The following DENND2A variants were observed in gnomAD, a reference collection of about 807,000 sequenced individuals.
The protein encoded by DENND2A is DENN domain containing 2A, also known as DENN domain-containing protein 2A.
DENND2A carries 53 observed loss-of-function variants against 105.3 expected under a neutral mutation model. That is an observed-to-expected ratio of 0.50 (90% CI 0.40 to 0.63). The LOEUF (loss-of-function observed/expected upper bound fraction) is 0.63, where lower values mean the gene tolerates loss of function less well. Among genes scored for constraint, DENND2A ranks in the 30% least tolerant of loss-of-function variants. DENND2A has a pLI of 0.00. For synonymous variants in DENND2A, 522 were observed against 508.4 expected (o/e 1.03, Z -0.36); for missense variants, 1,138 against 1,279.6 (o/e 0.89, Z 1.69).
At chr7:140,548,278 A>T (rs985481354) in intron 12 of DENND2A, among the ~76,000 whole-genome samples, 3 of 144,542 alleles carry the variant, frequency 2.1e-5, no homozygotes, top group Admixed American at 1.4e-4. Context: ...TATCTTAATA[A>T]AGCTACTACT....
chr7:140,581,038 G>A (rs189657426), intron 5 of DENND2A, among the ~76,000 whole-genome samples: 2 of 151,846 alleles, frequency 1.3e-5, no homozygotes, highest in African/African-American at 4.8e-5. Flanking sequence ...TGAGGTGGGT[G>A]GATCACTTGA....
intron 1 of DENND2A, among the ~76,000 whole-genome samples, chr7:140,634,482 A>G (rs1800847647): frequency 6.6e-6 from 1 of 152,218 alleles, no homozygotes; most frequent in African/African-American, 2.4e-5. Flanking sequence ...ATTTAATATG[A>G]ACATTAAAAT....
chr7:140,582,296 T>C (rs1360797683), intron 5 of DENND2A, among the ~76,000 whole-genome samples: 2 of 151,912 alleles, frequency 1.3e-5, no homozygotes, highest in African/African-American at 4.8e-5. Flanking sequence ...TCCTCAGGGG[T>C]GAGGCAGTTC....
chr7:140,594,536 G>T (rs1414898395), intron 3 of DENND2A, among the ~76,000 whole-genome samples: 1 of 152,144 alleles, frequency 6.6e-6, no homozygotes, highest in Non-Finnish European at 1.5e-5. Flanking sequence ...TGTTCCCATG[G>T]CACCAGGATT....
intron 4 of DENND2A, among the ~76,000 whole-genome samples, chr7:140,586,087 C>T (rs1798767980): frequency 6.6e-6 from 1 of 152,070 alleles, no homozygotes; most frequent in Non-Finnish European, 1.5e-5. Context: ...GAGGGTGAAC[C>T]TCAGGATTTC....
chr7:140,543,167 G>A (rs971009420), intron 14 of DENND2A, among the ~76,000 whole-genome samples: 8 of 150,408 alleles, frequency 5.3e-5, no homozygotes, highest in African/African-American at 1.7e-4. Context: ...TTGCCCAGGT[G>A]GAGTGCAGTG....
chr7:140,520,713 CAT>C lies in DENND2A; in HGVS notation c.2912-997_2912-996del, dbSNP rs1172768251. On this transcript the variant is annotated intron_variant, in intron 18 of 19. Coordinates refer to ENST00000496613, the MANE Select transcript of DENND2A (RefSeq NM_015689.5). ...AGCTGGGATTACAGGCGCCTGCCAC[CAT>C]GCCCAGCTAATTTTTGTATTTTTAG... is the stretch of plus-strand genomic sequence containing the variant. 2.0e-5 allele frequency among the ~76,000 whole-genome samples: 3 copies of C among 151,026 alleles called. No homozygotes were observed. In the East Asian group the frequency reaches 5.9e-4, roughly 30 times the overall value.
chr7:140,523,506 C>T lies in DENND2A; in HGVS notation c.2548-82G>A, dbSNP rs935829474. The T allele has an allele frequency of 4.1e-5, 50 of 1,221,290 alleles. No homozygotes were observed. Among genetic ancestry groups the T allele is most frequent in the Non-Finnish European group, 5.5e-5 (46 of 835,720 alleles). 75.7% of individuals were successfully genotyped at this position (1,221,290 alleles called of 1,614,324 possible). A position where few individuals can be genotyped will look rare whatever the true frequency, so the allele number is the denominator to read the frequency against. The stretch of plus-strand genomic sequence containing the variant: ...AGGACACACTGGAGCCACTGCAGGG[C>T]AGGCCTGGCTCAGTCTCCAGTTTCA... On this transcript the variant is annotated intron_variant, in intron 16 of 19. Transcript: ENST00000496613. This position sits in a 1 kb window ranked among gnomAD's most constrained non-coding sequence, Gnocchi z 4.5.
At chr7:140,526,994 G>A (rs1005843347) in intron 15 of DENND2A, among the ~76,000 whole-genome samples, 7 of 152,170 alleles carry the variant, frequency 4.6e-5, no homozygotes, top group Non-Finnish European at 1.0e-4. Flanking sequence ...ATGTGGGGGA[G>A]TGGGCGAGAG....
intron 1 of DENND2A, among the ~76,000 whole-genome samples, chr7:140,635,860 A>G (rs1039642775): frequency 1.3e-5 from 2 of 151,866 alleles, no homozygotes; most frequent in Non-Finnish European, 2.9e-5. Flanking sequence ...CTGACGGAGT[A>G]AACTGTTGCC....
intron 4 of DENND2A, 135 bp from the exon 5 acceptor site, chr7:140,585,845 C>A: frequency 7.8e-7 from 1 of 1,280,344 alleles, no homozygotes; most frequent in Non-Finnish European, 1.1e-6. Flanking sequence ...ATCCATGCGC[C>A]CCTCCTGTTG....
chr7:140,544,855 C>T, intron 13 of DENND2A, 89 bp from the exon 14 acceptor site: 1 of 1,536,678 alleles, frequency 6.5e-7, no homozygotes, highest in Admixed American at 2.0e-5. Context: ...GCTCTGAGGT[C>T]CTCATCAGGG....
In DENND2A at chr7:140,585,635, T is replaced by A; in HGVS notation, c.1199A>T (p.Asn400Ile). The A allele has an allele frequency of 6.2e-7, 1 of 1,613,960 alleles. No homozygotes were observed. Among genetic ancestry groups the A allele is most frequent in the Non-Finnish European group, 8.5e-7 (1 of 1,179,988 alleles). The change falls in exon 5 of 20, where the codon AAT becomes ATT. Residue 400 changes from asparagine (N) to isoleucine (I), a missense_variant. Transcript: ENST00000496613. ...GRCLGKKCVL[N>I]FPASPTSSIP... ...GGAAGAGGTGGGAGAAGCAGGAAAA[T>A]TCAAGACACACTTCTTTCCCAGGCA...
Position 140,587,464 on chromosome 7 carries a change from C to G in DENND2A, c.1123+189G>C, listed in dbSNP as rs867813018. Among the ~76,000 whole-genome samples, 20 of 152,242 alleles carry G rather than the reference C, an allele frequency of 1.3e-4. No individual in the cohort carries two copies. The Middle Eastern group carries it at 0.01, about 78-fold the overall frequency. Reference sequence around the variant, plus strand: ...AGTCTTCCCCCTCCAGCCCTAGGGTCTGTCATATATCCCACAAGGCTCACT... The same window carrying G: ...AGTCTTCCCCCTCCAGCCCTAGGGTGTGTCATATATCCCACAAGGCTCACT... On this transcript the variant is annotated intron_variant, in intron 4 of 19. Coordinates refer to ENST00000496613, the MANE Select transcript of DENND2A (RefSeq NM_015689.5).
intron 12 of DENND2A, among the ~76,000 whole-genome samples, chr7:140,551,884 G>C (rs771879083): frequency 6.6e-6 from 1 of 152,082 alleles, no homozygotes; most frequent in Admixed American, 6.6e-5. Flanking sequence ...TGTGGTCTTC[G>C]GCAAGTCATT....
chr7:140,531,742 GA>G (rs1356730398), intron 14 of DENND2A, among the ~76,000 whole-genome samples: 3 of 151,612 alleles, frequency 2.0e-5, no homozygotes, highest in Non-Finnish European at 4.4e-5. Context: ...TTGAACCCAG[GA>G]GACGGAGGTT....
At position 140,601,883 on chromosome 7, in the gene DENND2A, T is replaced by G; in HGVS notation, c.515A>C (p.Asp172Ala). The G allele has an allele frequency of 6.2e-7, 1 of 1,614,150 alleles. No homozygotes were observed. The highest frequency in any genetic ancestry group is 1.1e-5 in the South Asian group (1 of 91,088). Residue 172 changes from aspartate (D) to alanine (A), a missense_variant, in exon 3 of 20, where the codon GAT becomes GCT. Coordinates refer to ENST00000496613, the MANE Select transcript of DENND2A (RefSeq NM_015689.5). ...QVKKLEQALK[D>A]GSAGLDPQLP... ...CTGGGGATCCAGCCCTGCCGACCCA[T>G]CCTTCAAAGCCTGCTCGAGTTTCTT...
intron 15 of DENND2A, 58 bp from the exon 16 acceptor site, chr7:140,525,850 G>T: frequency 6.9e-7 from 1 of 1,451,950 alleles, no homozygotes; most frequent in African/African-American, 1.4e-5. Flanking sequence ...GATAGGGATG[G>T]ACTCATAGCC....
chr7:140,537,993 G>C (rs184725579), intron 14 of DENND2A, among the ~76,000 whole-genome samples: 59 of 152,272 alleles, frequency 3.9e-4, no homozygotes, highest in Admixed American at 3.6e-3. Context: ...CACAGAACAA[G>C]CCATCACAAC....
Sources: allele counts gnomAD v4.1 joint callset (sites outside exome capture counted in the v4.1 genomes callset), GRCh38; gene constraint gnomAD v4.1.1; non-coding constraint Gnocchi (gnomAD v3.1); transcripts MANE v1.5; gene names NCBI Gene and HGNC (gene_info 2026-07-23, HGNC 2026-07-21).